GMDS: variants seen among roughly 807,000 people sequenced by gnomAD.
GMDS encodes GDP-mannose 4,6-dehydratase.
GMDS carries 20 observed loss-of-function variants against 49.9 expected under a neutral mutation model. The observed-to-expected ratio is 0.40, with a 90% CI of 0.28 to 0.58. The LOEUF (loss-of-function observed/expected upper bound fraction) is 0.58. Ranked by LOEUF, GMDS falls within the 20% of genes least tolerant of loss-of-function variation. GMDS has a pLI of 0.42. For missense variants in GMDS, 362 were observed against 481.4 expected, an observed-to-expected ratio of 0.75 and a Z score of 2.32; for synonymous variants, 177 against 178.6, an observed-to-expected ratio of 0.99 and a Z score of 0.07.
At chr6:1,995,048 T>G (rs1167402713) in intron 4 of GMDS, among the ~76,000 whole-genome samples, 3 of 152,100 alleles carry the variant, frequency 2.0e-5, no homozygotes, top group African/African-American at 7.2e-5. Flanking sequence ...ACAGAGGCAG[T>G]AACCTTATAC....
chr6:1,924,736 A>C (rs1215692184), intron 7 of GMDS, among the ~76,000 whole-genome samples: 2 of 152,176 alleles, frequency 1.3e-5, no homozygotes, highest in Admixed American at 6.5e-5. Context: ...GTTTTCTGCC[A>C]CCACTGCTAT....
At chr6:1,685,010 T>TG (rs1764923072) in intron 9 of GMDS, among the ~76,000 whole-genome samples, 2 of 111,488 alleles carry the variant, frequency 1.8e-5, no homozygotes, top group African/African-American at 7.3e-5. Flanking sequence ...GCTCCCTCTC[T>TG]CCCCCCCCTT....
At chr6:1,733,837 G>A (rs1021522201) in intron 8 of GMDS, among the ~76,000 whole-genome samples, 4 of 128,428 alleles carry the variant, frequency 3.1e-5, no homozygotes, top group Non-Finnish European at 4.9e-5. Flanking sequence ...GGGCGACAGA[G>A]TGAGACTCTT....
chr6:1,926,648 T>C (rs1165727415), intron 7 of GMDS, among the ~76,000 whole-genome samples: 2 of 152,234 alleles, frequency 1.3e-5, no homozygotes, highest in African/African-American at 2.4e-5. Context: ...GACTTTAATT[T>C]TGGCAACAAA....
chr6:2,171,557 A>G (rs1289561281), intron 1 of GMDS, among the ~76,000 whole-genome samples: 1 of 152,236 alleles, frequency 6.6e-6, no homozygotes, highest in African/African-American at 2.4e-5. Flanking sequence ...TAATTTACCT[A>G]TGTATCTCTA....
At chr6:1,713,149 T>C (rs1016345724) in intron 9 of GMDS, among the ~76,000 whole-genome samples, 1 of 152,244 alleles carries the variant, frequency 6.6e-6, no homozygotes. Flanking sequence ...ACTGACTCTG[T>C]TTTATGTTTT....
intron 9 of GMDS, among the ~76,000 whole-genome samples, chr6:1,681,106 G>A (rs952906165): frequency 5.3e-5 from 8 of 151,288 alleles, no homozygotes; most frequent in African/African-American, 1.2e-4. Context: ...ATACACATAC[G>A]TACACCTACA....
At chr6:2,229,769 C>T (rs1780993978) in intron 1 of GMDS, among the ~76,000 whole-genome samples, 1 of 152,178 alleles carries the variant, frequency 6.6e-6, no homozygotes, top group South Asian at 2.1e-4. Context: ...CTTACTACAA[C>T]TAAATAGAAA....
Position 1,766,068 on chromosome 6 carries a change from G to A in GMDS, c.772-23482C>T, listed in dbSNP as rs1019767799. Among the ~76,000 whole-genome samples the A allele has an allele frequency of 6.6e-5, 10 of 152,112 alleles. No individual in the cohort carries two copies. Among genetic ancestry groups the A allele is most frequent in the African/African-American group, 2.2e-4 (9 of 41,434 alleles). On this transcript the variant is annotated intron_variant, in intron 7 of 10. Coordinates refer to ENST00000380815, the MANE Select transcript of GMDS (RefSeq NM_001500.4). This position sits in a 1 kb window ranked among gnomAD's most constrained non-coding sequence, Gnocchi z 4.5. ...CTCTCTCCCAGTGGGCAGAGCGGCT[G>A]CACTATATGAAAACGACACATGTGA...
At chr6:2,105,129 C>A (rs1164371700) in intron 4 of GMDS, among the ~76,000 whole-genome samples, 1 of 131,152 alleles carries the variant, frequency 7.6e-6, no homozygotes, top group African/African-American at 2.9e-5. Flanking sequence ...TTGCAGTGAG[C>A]GGAGATCACG....
At chr6:1,841,326 G>A (rs909934021) in intron 7 of GMDS, among the ~76,000 whole-genome samples, 2 of 152,172 alleles carry the variant, frequency 1.3e-5, no homozygotes, top group Admixed American at 1.3e-4. Context: ...ACTTTATGCA[G>A]GGAGGAGGTT....
chr6:2,053,983 T>C (rs1312235531), intron 4 of GMDS, among the ~76,000 whole-genome samples: 1 of 152,058 alleles, frequency 6.6e-6, no homozygotes, highest in Non-Finnish European at 1.5e-5. Context: ...AAAGAAAGCA[T>C]TCTAATTCCT....
intron 4 of GMDS, among the ~76,000 whole-genome samples, chr6:1,976,321 T>C (rs1764899665): frequency 6.6e-6 from 1 of 152,216 alleles, no homozygotes; most frequent in African/African-American, 2.4e-5. Flanking sequence ...AAATCATACA[T>C]ACATAAAACC....
intron 1 of GMDS, among the ~76,000 whole-genome samples, chr6:2,167,728 C>A (rs1777738241): frequency 1.3e-5 from 2 of 152,084 alleles, no homozygotes; most frequent in Admixed American, 6.6e-5. Context: ...CCAGCCCAAG[C>A]CAATCCTCCT....
chr6:1,648,763 T>C (rs941543523), intron 9 of GMDS, among the ~76,000 whole-genome samples: 1 of 152,350 alleles, frequency 6.6e-6, no homozygotes, highest in African/African-American at 2.4e-5. Flanking sequence ...TTTTGTAAAA[T>C]AGCTCCGTTT....
At chr6:1,631,529 T>C (rs1259922946) in intron 9 of GMDS, among the ~76,000 whole-genome samples, 5 of 152,136 alleles carry the variant, frequency 3.3e-5, no homozygotes, top group Non-Finnish European at 5.9e-5. Flanking sequence ...GCTTCGGACA[T>C]GAGTACTACA....
At chr6:1,647,784 G>T (rs888650907) in intron 9 of GMDS, among the ~76,000 whole-genome samples, 21 of 152,176 alleles carry the variant, frequency 1.4e-4, no homozygotes, top group Non-Finnish European at 1.5e-5. Context: ...AGGCCGGAGT[G>T]GGGGAAGGAC....
At chr6:1,720,632 G>T (rs1036280827) in intron 9 of GMDS, among the ~76,000 whole-genome samples, 1 of 152,148 alleles carries the variant, frequency 6.6e-6, no homozygotes, top group Admixed American at 6.5e-5. Context: ...AAATGGGAAG[G>T]GACCTTACAG....
At chr6:1,803,161 T>C (rs1051677981) in intron 7 of GMDS, among the ~76,000 whole-genome samples, 6 of 152,216 alleles carry the variant, frequency 3.9e-5, no homozygotes, top group African/African-American at 1.2e-4. Context: ...TCATCGGCAC[T>C]GTATGTTTGA....
Sources: gnomAD v4.1 joint callset for allele counts (sites outside exome capture counted in the v4.1 genomes callset) on GRCh38, gnomAD v4.1.1 for gene constraint, Gnocchi (gnomAD v3.1) non-coding constraint, MANE v1.5 for transcripts, NCBI Gene and HGNC (gene_info 2026-07-23, HGNC 2026-07-21) for gene names.